The following FECH variants were observed in gnomAD, a reference collection of about 807,000 sequenced individuals.
FECH encodes the protein ferrochelatase, mitochondrial.
Under a neutral mutation model 56.9 loss-of-function variants are expected in FECH, and 40 were observed. The ratio of observed to expected loss-of-function variants is 0.70; its 90% CI spans 0.55 to 0.92. FECH has a LOEUF of 0.92. Among genes scored for constraint, FECH ranks in the 40% least tolerant of loss-of-function variants. The pLI, the probability that FECH is intolerant of heterozygous loss-of-function variation, is 0.00. For missense variants in FECH, 431 were observed against 529.1 expected, an observed-to-expected ratio of 0.81 and a Z score of 1.82; for synonymous variants, 175 against 198.6, an observed-to-expected ratio of 0.88 and a Z score of 1.00.
In FECH at chr18:57,573,313, C is replaced by T. The variant is rs777577704; in HGVS notation, c.247G>A (p.Gly83Arg). ...MLNMGGPETL[G>R]DVHDFLLRLF... ...CTCAGAAGGAAGTCGTGAACATCTC[C>T]AAGAGTTTCAGGGCCTCCCATGTTT... is the stretch of plus-strand genomic sequence containing the variant. Residue 83 changes from glycine to arginine, a missense_variant, in exon 3 of 11, where the codon GGA (glycine) becomes AGA (arginine). By Grantham distance (125) the Gly-to-Arg change is moderately radical (BLOSUM62 -2). Coordinates refer to ENST00000262093, the MANE Select transcript of FECH (RefSeq NM_000140.5). 6.2e-7 allele frequency: 1 copy of T among 1,614,086 alleles called. No individual in the cohort carries two copies.
intron 3 of FECH, 198 bp from the exon 4 acceptor site, chr18:57,571,738 T>A: frequency 3.0e-6 from 2 of 666,344 alleles, no homozygotes; most frequent in Non-Finnish European, 4.9e-6. Context: ...ATACCCTCTC[T>A]GAGGAATACC....
chr18:57,586,702 T>A lies in FECH; in HGVS notation c.-82A>T. 1.5e-6 allele frequency: 2 copies of A among 1,297,436 alleles called. No individual in the cohort carries two copies. Among genetic ancestry groups the A allele is most frequent in the South Asian group, 1.5e-5 (1 of 68,776 alleles). 80.4% of individuals were successfully genotyped at this position (1,297,436 alleles called of 1,614,324 possible). A position where few individuals can be genotyped will look rare whatever the true frequency, so the allele number is the denominator to read the frequency against. ...TCCGCCCAGCAGTGGCCGAGCCGGG[T>A]AGCGATCCCCACGCGCGTCCCCAGC... On this transcript the variant is annotated 5_prime_UTR_variant, in exon 1 of 11. Coordinates refer to ENST00000262093, the MANE Select transcript of FECH (RefSeq NM_000140.5).
chr18:57,562,225 G>A (rs569553716), intron 6 of FECH, among the ~76,000 whole-genome samples: 62 of 151,952 alleles, frequency 4.1e-4, no homozygotes, highest in Non-Finnish European at 7.5e-4. Context: ...CATAATTTAG[G>A]GCAATATTTT....
At chr18:57,583,009 AGCT>A (rs959705080) in intron 1 of FECH, among the ~76,000 whole-genome samples, 2 of 152,106 alleles carry the variant, frequency 1.3e-5, no homozygotes, top group African/African-American at 4.8e-5. Flanking sequence ...TAGCTTTTCA[AGCT>A]GCTTAACTAT....
rs1292613794 is a variant in FECH at position 57,545,191 on chromosome 18, T to G, written c.*5521A>C. Reference sequence around the variant, plus strand: ...TGTCAGAGTGAAGGCTCACAAGAAATCAGAAACAGGACCCAGATCTCTACC... The same window carrying G: ...TGTCAGAGTGAAGGCTCACAAGAAAGCAGAAACAGGACCCAGATCTCTACC... On this transcript the variant is annotated 3_prime_UTR_variant, in exon 11 of 11. Transcript: ENST00000262093. Among the ~76,000 whole-genome samples, 3 of 152,196 alleles carry G rather than the reference T, an allele frequency of 2.0e-5. No individual in the cohort carries two copies. The highest frequency in any genetic ancestry group is 4.4e-5 in the Non-Finnish European group (3 of 67,996).
In FECH at chr18:57,550,706, C is replaced by A. The variant is rs564058031; in HGVS notation, c.*6G>T. 1.9e-6 allele frequency: 3 copies of A among 1,613,986 alleles called. No homozygotes were observed. The highest frequency in any genetic ancestry group is 1.7e-5 in the Admixed American group (1 of 60,020). ...TGCCTAACGCCACGGGGTCCACCGG[C>A]GGGGGTCACAGCTGCTGGCTGGTGA... On this transcript the variant is annotated 3_prime_UTR_variant, in exon 11 of 11. Coordinates refer to ENST00000262093, the MANE Select transcript of FECH (RefSeq NM_000140.5).
In FECH at chr18:57,577,342, C is replaced by T. The variant is rs569645917; in HGVS notation, c.194+2731G>A. Among the ~76,000 whole-genome samples, 6 of 152,294 alleles carry T rather than the reference C, an allele frequency of 3.9e-5. No homozygotes were observed. The South Asian group carries it at 6.2e-4, about 16-fold the overall frequency. The stretch of plus-strand genomic sequence containing the variant: ...TATGGCTGCTCTCACACTACAACAG[C>T]GGAGTTGAATAGCAGCAAAAGACAG... On this transcript the variant is annotated intron_variant, in intron 2 of 10. Transcript: ENST00000262093.
At position 57,550,524 on chromosome 18, in the gene FECH, T is replaced by C. The variant is rs1397980921; in HGVS notation, c.*188A>G. 9.6e-6 allele frequency: 6 copies of C among 622,342 alleles called. No homozygotes were observed. Among genetic ancestry groups the C allele is most frequent in the South Asian group, 5.9e-5 (3 of 50,696 alleles). The allele number at this position is 622,342 out of a possible 1,614,324, so 38.6% of individuals were successfully genotyped here. On this transcript the variant is annotated 3_prime_UTR_variant, in exon 11 of 11. Transcript: ENST00000262093. The stretch of plus-strand genomic sequence containing the variant: ...AGAGAAAATACAAATGCTTACTGTA[T>C]AGTTATATAAAAATAGAAATCCATC...
At chr18:57,565,903 C>T (rs144826950) in intron 5 of FECH, among the ~76,000 whole-genome samples, 172 of 152,218 alleles carry the variant, frequency 1.1e-3, no homozygotes, top group African/African-American at 1.8e-3. Flanking sequence ...ATACAGAAAA[C>T]GACAAGCAGT....
rs201834035 is a variant in FECH at position 57,548,269 on chromosome 18, A to C, written c.*2443T>G. ...CCATCTTAAAAAAAAAAAAAAACAA[A>C]ACAAAACAATGAGTTCATTTCTCCT... On this transcript the variant is annotated 3_prime_UTR_variant, in exon 11 of 11. Transcript: ENST00000262093. 5.1e-4 allele frequency: 77 copies of C among 151,580 alleles called. No homozygotes were observed. The East Asian group carries it at 0.012, about 24-fold the overall frequency. The allele number at this position is 151,580 out of a possible 1,614,324, so 9.4% of individuals were successfully genotyped here. A position where few individuals can be genotyped will look rare whatever the true frequency, so the allele number is the denominator to read the frequency against.
chr18:57,565,952 A>C (rs528043918), intron 5 of FECH, among the ~76,000 whole-genome samples: 4 of 152,348 alleles, frequency 2.6e-5, no homozygotes, highest in African/African-American at 9.6e-5. Flanking sequence ...AATTCTGCAA[A>C]GGGAACCCCA....
At chr18:57,581,511 C>T (rs537927328) in intron 1 of FECH, among the ~76,000 whole-genome samples, 42 of 152,246 alleles carry the variant, frequency 2.8e-4, no homozygotes, top group Non-Finnish European at 4.6e-4. Context: ...AACCAGCTTG[C>T]GATCAGTCTC....
intron 5 of FECH, among the ~76,000 whole-genome samples, 198 bp from the exon 6 acceptor site, chr18:57,563,178 A>T (rs1318735006): frequency 6.6e-6 from 1 of 152,256 alleles, no homozygotes; most frequent in Non-Finnish European, 1.5e-5. Context: ...AAAAGCAATC[A>T]ATTTCAATGG....
intron 1 of FECH, among the ~76,000 whole-genome samples, chr18:57,581,535 C>G (rs772411019): frequency 1.3e-5 from 2 of 152,250 alleles, no homozygotes; most frequent in Non-Finnish European, 2.9e-5. Flanking sequence ...CTGCCCTCCT[C>G]CTCCTAAGAG....
rs149001080 is a variant in FECH, at chr18:57,584,408, C to G, written c.67+2146G>C. Among the ~76,000 whole-genome samples the G allele has an allele frequency of 3.6e-3, 543 of 149,914 alleles. 5 individuals are homozygous for G. Among genetic ancestry groups the G allele is most frequent in the African/African-American group, 0.012 (503 of 40,898 alleles). ...CAATAGGTGATCATTCAGAAGTATA[C>G]CTATGACTTAAGAAGTTCCTAAGTT... On this transcript the variant is annotated intron_variant, in intron 1 of 10. Coordinates refer to ENST00000262093, the MANE Select transcript of FECH (RefSeq NM_000140.5).
rs141118057 is a variant in FECH at position 57,550,836 on chromosome 18, T to C, written c.1148A>G (p.Asp383Gly). The C allele has an allele frequency of 2.0e-5, 32 of 1,613,672 alleles. No homozygotes were observed. The highest frequency in any genetic ancestry group is 2.6e-5 in the Non-Finnish European group (31 of 1,180,014). The change falls in exon 11 of 11, where the codon GAC (aspartate) becomes GGC (glycine). Residue 383 changes from aspartate (D) to glycine (G), a missense_variant. Physicochemically the swap from Asp to Gly is moderately conservative, Grantham distance 94. Transcript: ENST00000262093. The part of the protein sequence containing the change: ...GNPLFSKALA[D>G]LVHSHIQSNE... ...TGACTGGATGTGTGAATGCACCAAG[T>C]CGGCCAGGGCCTGGAAGATAGACAA...
At position 57,551,305 on chromosome 18, in the gene FECH, C is replaced by T. The variant is rs1392866618; in HGVS notation, c.1137+10G>A. ...ATGTTCTACTAAAACGATTGTAACA[C>T]TGTAGATACCTTAGAGAACAATGGA... On this transcript the variant is annotated intron_variant, in intron 10 of 10. Coordinates refer to ENST00000262093, the MANE Select transcript of FECH (RefSeq NM_000140.5). The T allele has an allele frequency of 6.3e-7, 1 of 1,597,552 alleles. No individual in the cohort carries two copies. Among genetic ancestry groups the T allele is most frequent in the East Asian group, 2.2e-5 (1 of 44,756 alleles).
chr18:57,574,283 C>T (rs1397384632), intron 2 of FECH, among the ~76,000 whole-genome samples: 1 of 152,176 alleles, frequency 6.6e-6, no homozygotes, highest in Non-Finnish European at 1.5e-5. Flanking sequence ...GCCACCACAC[C>T]AGGACTGACT....
chr18:57,580,126 T>C lies in FECH; in HGVS notation c.141A>G (p.Thr47=). 6.2e-7 allele frequency: 1 copy of C among 1,614,200 alleles called. No individual in the cohort carries two copies. ...KSGAAAAAVT[T]ETAQHAQGAK... is the part of the protein sequence containing the mutation. ...CACCCTGGGCATGCTGGGCTGTTTC[T>C]GTGGTGACGGCCGCTGCAGCTGCAC... Residue 47 remains threonine, a synonymous_variant, in exon 2 of 11, where the codon ACA becomes ACG. Coordinates refer to ENST00000262093, the MANE Select transcript of FECH (RefSeq NM_000140.5).
Sources: gnomAD v4.1 joint callset for allele counts (sites outside exome capture counted in the v4.1 genomes callset) on GRCh38, gnomAD v4.1.1 for gene constraint, MANE v1.5 for transcripts, NCBI Gene and HGNC (gene_info 2026-07-23, HGNC 2026-07-21) for gene names.